The following PDE4D variants were observed in gnomAD, a reference collection of about 807,000 sequenced individuals.
PDE4D encodes 3',5'-cyclic-AMP phosphodiesterase 4D.
PDE4D carries 24 observed loss-of-function variants against 87.4 expected under a neutral mutation model. The ratio of observed to expected loss-of-function variants is 0.27; its 90% CI spans 0.20 to 0.39. PDE4D has a LOEUF of 0.39. Ranked by LOEUF, PDE4D falls within the 10% of genes least tolerant of loss-of-function variation. The pLI is 1.00. For synonymous variants in PDE4D, 384 were observed against 383.2 expected, an observed-to-expected ratio of 1.00 and a Z score of -0.02; for missense variants, 714 against 1,041.0, an observed-to-expected ratio of 0.69 and a Z score of 4.32.
chr5:59,106,498 C>T (rs954400525), intron 5 of PDE4D, among the ~76,000 whole-genome samples: 4 of 152,180 alleles, frequency 2.6e-5, no homozygotes, highest in African/African-American at 7.2e-5. Context: ...CGTGGTGACT[C>T]ATGCTTGTAA....
chr5:59,168,099 T>C (rs1382991830), intron 5 of PDE4D, among the ~76,000 whole-genome samples: 1 of 150,966 alleles, frequency 6.6e-6, no homozygotes, highest in Non-Finnish European at 1.5e-5. Flanking sequence ...AAAACAAAAA[T>C]ACAGAAGGAA....
intron 1 of PDE4D, among the ~76,000 whole-genome samples, chr5:60,381,241 T>C (rs893457784): frequency 6.6e-6 from 1 of 152,230 alleles, no homozygotes; most frequent in East Asian, 1.9e-4. Flanking sequence ...ACTATGTGGC[T>C]GGCCTCCATT....
At chr5:59,793,805 A>AT (rs1202083087) in intron 1 of PDE4D, among the ~76,000 whole-genome samples, 2 of 152,102 alleles carry the variant, frequency 1.3e-5, no homozygotes, top group Non-Finnish European at 2.9e-5. Context: ...TAATGTAAGA[A>AT]TTTTTTCCCC....
At chr5:59,142,217 C>T (rs943338408) in intron 5 of PDE4D, among the ~76,000 whole-genome samples, 55 of 152,320 alleles carry the variant, frequency 3.6e-4, no homozygotes, top group African/African-American at 1.3e-3. Context: ...TCCACTAGCC[C>T]TCTTAGGCTT....
At chr5:60,347,001 C>A (rs1758796019) in intron 1 of PDE4D, among the ~76,000 whole-genome samples, 1 of 152,268 alleles carries the variant, frequency 6.6e-6, no homozygotes, top group South Asian at 2.1e-4. Context: ...GAGTTTCCTG[C>A]TCCTACAGAG....
chr5:60,183,394 T>C (rs1386772866), intron 2 of PDE4D, among the ~76,000 whole-genome samples: 1 of 152,170 alleles, frequency 6.6e-6, no homozygotes, highest in Non-Finnish European at 1.5e-5. Context: ...AATTCATAAC[T>C]GGTAGGAAAC....
At chr5:60,086,520 A>G (rs1352920268) in intron 2 of PDE4D, among the ~76,000 whole-genome samples, 1 of 152,266 alleles carries the variant, frequency 6.6e-6, no homozygotes, top group Admixed American at 6.5e-5. Flanking sequence ...CAAGCTTCAT[A>G]GCATTTACTA....
intron 2 of PDE4D, among the ~76,000 whole-genome samples, chr5:60,139,754 A>G (rs1382826709): frequency 6.6e-6 from 1 of 152,068 alleles, no homozygotes; most frequent in Non-Finnish European, 1.5e-5. Context: ...ATTACCAACA[A>G]CATTGTTTCT....
chr5:59,310,315 C>T (rs1772321747), intron 1 of PDE4D, among the ~76,000 whole-genome samples: 1 of 152,158 alleles, frequency 6.6e-6, no homozygotes, highest in African/African-American at 2.4e-5. Flanking sequence ...GCAAGTCAAC[C>T]TCTTCCCTGC....
chr5:59,448,169 G>A (rs1467449466), intron 1 of PDE4D, among the ~76,000 whole-genome samples: 1 of 152,170 alleles, frequency 6.6e-6, no homozygotes, highest in Non-Finnish European at 1.5e-5. Flanking sequence ...AAAGGCTAAA[G>A]TATTTTGTAA....
At chr5:60,208,543 C>T (rs184497743) in intron 1 of PDE4D, among the ~76,000 whole-genome samples, 1 of 152,106 alleles carries the variant, frequency 6.6e-6, no homozygotes, top group Non-Finnish European at 1.5e-5. Flanking sequence ...CAATGGCTCC[C>T]CCTTAGAGGT....
Position 60,182,663 on chromosome 5 carries a change from G to A in PDE4D, c.42+2894C>T, listed in dbSNP as rs1297753254. 2.0e-5 allele frequency among the ~76,000 whole-genome samples: 3 copies of A among 151,860 alleles called. No homozygotes were observed. In the East Asian group the frequency reaches 5.8e-4, roughly 29 times the overall value. On this transcript the variant is annotated intron_variant, in intron 2 of 16. Coordinates refer to the PDE4D transcript ENST00000502484. ...GGAAGCCGAGGCGGGCGGATCACGA[G>A]GTCGGGAGATTGAGACCATCCTGGC... is the stretch of plus-strand genomic sequence containing the variant.
chr5:60,495,875 A>G (rs1232391203), intron 1 of PDE4D, among the ~76,000 whole-genome samples: 1 of 152,216 alleles, frequency 6.6e-6, no homozygotes, highest in Admixed American at 6.5e-5. Context: ...GAAATTCCCA[A>G]TGTAAAAACA....
chr5:59,056,784 C>G (rs1427718866), intron 5 of PDE4D, among the ~76,000 whole-genome samples: 1 of 152,122 alleles, frequency 6.6e-6, no homozygotes, highest in Non-Finnish European at 1.5e-5. Flanking sequence ...TAAACTCATT[C>G]TTTTTTATGG....
At chr5:59,491,587 G>T (rs1416401656) in intron 1 of PDE4D, among the ~76,000 whole-genome samples, 1 of 152,068 alleles carries the variant, frequency 6.6e-6, no homozygotes, top group Non-Finnish European at 1.5e-5. Context: ...TGATGCCTTG[G>T]TTATGCAAAA....
rs115382962 is a variant in PDE4D at position 59,573,522 on chromosome 5, G to A, written c.455+319646C>T. Among the ~76,000 whole-genome samples the A allele has an allele frequency of 3.8e-3, 573 of 152,162 alleles. 7 individuals are homozygous for A. Among genetic ancestry groups the A allele is most frequent in the African/African-American group, 0.013 (550 of 41,526 alleles). ...CCGCAGTTCTCAGCCTTCCCAGGGC[G>A]AATTTTCCTCATCCTGTCCTCTCTC... On this transcript the variant is annotated intron_variant, in intron 1 of 14. Transcript: ENST00000340635.
At chr5:59,419,716 A>G (rs1178639831) in intron 1 of PDE4D, among the ~76,000 whole-genome samples, 1 of 152,184 alleles carries the variant, frequency 6.6e-6, no homozygotes, top group African/African-American at 2.4e-5. Context: ...AAATGAGGCT[A>G]ATATTTATTA....
intron 1 of PDE4D, among the ~76,000 whole-genome samples, chr5:59,733,427 A>C (rs1256676053): frequency 1.3e-5 from 2 of 152,134 alleles, no homozygotes; most frequent in African/African-American, 2.4e-5. Context: ...AATGGATGAG[A>C]TGTAGTATAA....
intron 1 of PDE4D, among the ~76,000 whole-genome samples, chr5:59,396,650 G>C (rs1297323143): frequency 9.0e-6 from 1 of 110,746 alleles, no homozygotes; most frequent in African/African-American, 3.9e-5. Context: ...AAAGACCATC[G>C]AGACTAGGAA....
Sources: allele counts gnomAD v4.1 joint callset (sites outside exome capture counted in the v4.1 genomes callset), GRCh38; gene constraint gnomAD v4.1.1; transcripts MANE v1.5; gene names NCBI Gene and HGNC (gene_info 2026-07-23, HGNC 2026-07-21).